The following COL4A4 variants were observed in gnomAD, a reference collection of about 807,000 sequenced individuals.
COL4A4 encodes collagen alpha-4(IV) chain.
A neutral mutation model predicts 192.9 loss-of-function variants in COL4A4; 105 were observed. The observed-to-expected ratio is 0.54, with a 90% CI of 0.46 to 0.64. The LOEUF (loss-of-function observed/expected upper bound fraction) is 0.64. Ranked by LOEUF, COL4A4 falls within the 30% of genes least tolerant of loss-of-function variation. COL4A4 has a pLI of 0.00. For missense variants in COL4A4, 1,967 were observed against 2,169.3 expected (o/e 0.91, Z 1.85); for synonymous variants, 762 against 769.9 (o/e 0.99, Z 0.17).
chr2:227,042,113 A>G (rs752115792), intron 37 of COL4A4, 35 bp downstream of exon 37: 1 of 1,340,778 alleles, frequency 7.5e-7, no homozygotes, highest in East Asian at 2.3e-5. Context: ...ATTGGGCTGC[A>G]TCTTTCTTGT....
rs772047682 is a variant in COL4A4, at chr2:227,080,578, G to A, written c.1697-29C>T. 3.8e-6 allele frequency: 6 copies of A among 1,575,258 alleles called. No homozygotes were observed. The South Asian group carries it at 5.5e-5, about 15-fold the overall frequency. On this transcript the variant is annotated intron_variant, in intron 23 of 47. Transcript: ENST00000396625. ...GAAATAGAGGTCAAAAGATATTCAAGCTCTTATCAGCAGAGGGTAAAGTAG... is the reference window on the plus strand; with the variant it reads ...GAAATAGAGGTCAAAAGATATTCAAACTCTTATCAGCAGAGGGTAAAGTAG...
At chr2:227,063,688 C>A (rs919335302) in intron 25 of COL4A4, among the ~76,000 whole-genome samples, 1 of 151,872 alleles carries the variant, frequency 6.6e-6, no homozygotes, top group African/African-American at 2.4e-5. Flanking sequence ...AAAATACCTT[C>A]TTTTTTCTCA....
chr2:227,140,906 C>T (rs1195434379), intron 3 of COL4A4, among the ~76,000 whole-genome samples: 1 of 151,682 alleles, frequency 6.6e-6, no homozygotes, highest in Non-Finnish European at 1.5e-5. Context: ...CACACACACA[C>T]ACACACACAC....
intron 22 of COL4A4, 25 bp from the exon 23 acceptor site, chr2:227,082,212 A>G (rs1364744139): frequency 6.3e-7 from 1 of 1,581,016 alleles, no homozygotes; most frequent in Admixed American, 1.7e-5. Context: ...AGAGAAACAA[A>G]TTAGGTTAAT....
chr2:227,145,273 C>A (rs1252778782), intron 2 of COL4A4, among the ~76,000 whole-genome samples: 1 of 152,082 alleles, frequency 6.6e-6, no homozygotes, highest in African/African-American at 2.4e-5. Context: ...CATGACGAAA[C>A]CCCATCTCTA....
chr2:226,988,460 G>A, the COL4A4 span: 1 of 1,548,746 alleles, frequency 6.5e-7, no homozygotes, highest in Non-Finnish European at 8.7e-7. Flanking sequence ...AATCCTTTGA[G>A]GCTGCAGGGT....
Position 227,008,096 on chromosome 2 carries a change from C to T in COL4A4, c.4731G>A (p.Ala1577=), listed in dbSNP as rs200639109. 2,269 of 1,614,030 alleles carry T rather than the reference C, an allele frequency of 1.4e-3. 7 individuals carry two copies. The highest frequency in any genetic ancestry group is 9.4e-4 in the Non-Finnish European group (1,105 of 1,179,988). ...GGATGGACTGGTCCTGGCTGTGCAC[C>T]GCCACCGCCTGGGCCGGGGCCTCGC... ...AVCEAPAQAV[A]VHSQDQSIPP... Residue 1577 remains alanine, a synonymous_variant, in exon 47 of 48, where the codon GCG becomes GCA. Coordinates refer to ENST00000396625, the MANE Select transcript of COL4A4 (RefSeq NM_000092.5).
intron 20 of COL4A4, among the ~76,000 whole-genome samples, chr2:227,090,751 C>A (rs1275340228): frequency 2.0e-5 from 3 of 149,066 alleles, no homozygotes. Context: ...GACTCCATCT[C>A]AAAATAAATA....
intron 41 of COL4A4, 143 bp from the exon 42 acceptor site, chr2:227,028,152 T>G (rs1260789306): frequency 5.9e-6 from 4 of 678,070 alleles, no homozygotes; most frequent in African/African-American, 3.6e-5. Context: ...TAGCCTCGCC[T>G]TCTTCTGTGA....
chr2:227,053,635 C>A (rs1251267317), intron 31 of COL4A4, among the ~76,000 whole-genome samples: 1 of 150,118 alleles, frequency 6.7e-6, no homozygotes, highest in African/African-American at 2.5e-5. Flanking sequence ...GCAAGCTCCA[C>A]CTCCCAGGTT....
intron 25 of COL4A4, among the ~76,000 whole-genome samples, chr2:227,065,023 G>A (rs969916431): frequency 2.6e-5 from 4 of 152,184 alleles, no homozygotes; most frequent in Non-Finnish European, 5.9e-5. Flanking sequence ...CAGGTCAGTG[G>A]GTGCGCGCAC....
intron 25 of COL4A4, among the ~76,000 whole-genome samples, chr2:227,063,134 A>G (rs1447869743): frequency 6.6e-6 from 1 of 152,164 alleles, no homozygotes; most frequent in Admixed American, 6.5e-5. Flanking sequence ...CTTCAAGTAT[A>G]TTGTCTCATT....
intron 35 of COL4A4, among the ~76,000 whole-genome samples, chr2:227,046,035 C>CATATAT (rs1436315128): frequency 2.2e-5 from 1 of 44,906 alleles, no homozygotes; most frequent in East Asian, 5.8e-4. Flanking sequence ...TATATGTATA[C>CATATAT]ATATATACAT....
intron 25 of COL4A4, among the ~76,000 whole-genome samples, chr2:227,067,966 G>A (rs376506480): frequency 4.2e-5 from 6 of 141,462 alleles, no homozygotes; most frequent in Admixed American, 7.2e-5. Flanking sequence ...TTGATAGACC[G>A]CTAGCAAGAC....
chr2:227,069,874 C>G (rs1271686204), intron 25 of COL4A4, among the ~76,000 whole-genome samples: 2 of 151,480 alleles, frequency 1.3e-5, no homozygotes, highest in Non-Finnish European at 2.9e-5. Context: ...CAAATGGGAT[C>G]TAATTAAACT....
intron 25 of COL4A4, among the ~76,000 whole-genome samples, chr2:227,071,595 T>C (rs1326552363): frequency 1.3e-5 from 2 of 152,108 alleles, no homozygotes; most frequent in South Asian, 2.1e-4. Context: ...CTGCAGGATA[T>C]ACATTCTTCT....
intron 25 of COL4A4, among the ~76,000 whole-genome samples, chr2:227,066,801 G>C (rs1373295208): frequency 6.6e-6 from 1 of 151,702 alleles, no homozygotes. Flanking sequence ...GGAAGAAACT[G>C]CATCAACTAA....
rs182019593 is a variant in COL4A4 at position 227,009,795 on chromosome 2, G to A, written c.4522+518C>T. On this transcript the variant is annotated intron_variant, in intron 46 of 47. Transcript: ENST00000396625. ...GGGGAAGGTAGGGGAGGGGAAGAGC[G>A]GAGAGCGGAGAAGTGACAAGGAGCA... 4.9e-4 allele frequency among the ~76,000 whole-genome samples: 75 copies of A among 151,848 alleles called. No individual in the cohort carries two copies. The South Asian group carries it at 5.2e-3, about 11-fold the overall frequency.
At chr2:226,993,418 A>G in the COL4A4 span, among the ~76,000 whole-genome samples, 1 of 152,206 alleles carries the variant, frequency 6.6e-6, no homozygotes, top group Non-Finnish European at 1.5e-5. Flanking sequence ...CACAAGTGCA[A>G]TTAAGACCAG....
Sources: allele counts gnomAD v4.1 joint callset (sites outside exome capture counted in the v4.1 genomes callset), GRCh38; gene constraint gnomAD v4.1.1; transcripts MANE v1.5; gene names NCBI Gene and HGNC (gene_info 2026-07-23, HGNC 2026-07-21).